ANKRD52: variants seen among roughly 807,000 people sequenced by gnomAD.
ANKRD52 encodes ankyrin repeat domain 52, also known as serine/threonine-protein phosphatase 6 regulatory ankyrin repeat subunit C.
A neutral mutation model predicts 116.0 loss-of-function variants in ANKRD52; 7 were observed. The observed-to-expected ratio is 0.06, with a 90% CI of 0.03 to 0.11. The LOEUF (loss-of-function observed/expected upper bound fraction) is 0.11. Ranked by LOEUF, ANKRD52 falls within the 10% of genes least tolerant of loss-of-function variation. The probability of loss-of-function intolerance (pLI) is 1.00; values close to 1 mark genes in which losing one functional copy is unlikely to be tolerated. For missense variants in ANKRD52, 839 were observed against 1,408.6 expected (o/e 0.60, Z 6.47); for synonymous variants, 528 against 578.1 (o/e 0.91, Z 1.24).
At chr12:56,258,094 G>A (rs1254728691) in intron 1 of ANKRD52, 149 bp downstream of exon 1, 9 of 1,422,280 alleles carry the variant, frequency 6.3e-6, no homozygotes, top group Non-Finnish European at 8.6e-6. Context: ...CAAGGACACC[G>A]GCTCGGTTGA....
chr12:56,254,858 C>G lies in ANKRD52; in HGVS notation c.550+7G>C. On this transcript the variant is annotated splice_region_variant and intron_variant, in intron 6 of 27. Transcript: ENST00000267116. The surrounding 1 kb of genome is among the most constrained non-coding windows in gnomAD (Gnocchi z 4.6). ...AATTTCTGATTTTCCCGTGTATTCTCTCTCACCTAGAAAAGCTGCCCAATG... is the reference window on the plus strand; with the variant it reads ...AATTTCTGATTTTCCCGTGTATTCTGTCTCACCTAGAAAAGCTGCCCAATG... The G allele has an allele frequency of 3.1e-6, 5 of 1,612,126 alleles. No homozygotes were observed. The highest frequency in any genetic ancestry group is 4.2e-6 in the Non-Finnish European group (5 of 1,178,254).
chr12:56,257,941 G>A, intron 1 of ANKRD52, 30 bp from the exon 2 acceptor site: 1 of 1,609,716 alleles, frequency 6.2e-7, no homozygotes, highest in Non-Finnish European at 8.5e-7. Flanking sequence ...TCTGAGAGCG[G>A]GCTGGAGCCG....
Position 56,244,282 on chromosome 12 carries a change from G to A in ANKRD52, c.2805+71C>T. 6.4e-7 allele frequency: 1 copy of A among 1,570,284 alleles called. No homozygotes were observed. The highest frequency in any genetic ancestry group is 8.8e-7 in the Non-Finnish European group (1 of 1,142,640). ...CCTCACTTCTGCCCCAGTCCCCTCT[G>A]CAACCGAGACTTACCTCTCTTCATC... On this transcript the variant is annotated intron_variant, in intron 25 of 27. Coordinates refer to ENST00000267116, the MANE Select transcript of ANKRD52 (RefSeq NM_173595.4). The surrounding 1 kb of genome is among the most constrained non-coding windows in gnomAD (Gnocchi z 4.9).
Position 56,240,119 on chromosome 12 carries a change from G to C in ANKRD52, c.*3023C>G, listed in dbSNP as rs1435575065. 6.6e-6 allele frequency: 1 copy of C among 152,202 alleles called. No individual in the cohort carries two copies. The highest frequency in any genetic ancestry group is 1.5e-5 in the Non-Finnish European group (1 of 68,110). 9.4% of individuals were successfully genotyped at this position (152,202 alleles called of 1,614,324 possible). On this transcript the variant is annotated 3_prime_UTR_variant, in exon 28 of 28. Transcript: ENST00000267116. The surrounding 1 kb of genome is among the most constrained non-coding windows in gnomAD (Gnocchi z 4.2). ...GGTTTTCAGCAGTCCTATGGCTCAG[G>C]GGGCCACGGGGCAGGGGAGGTGGCC...
chr12:56,243,170 A>G lies in ANKRD52; in HGVS notation c.3203T>C (p.Ile1068Thr). 1 of 1,607,132 alleles carries G rather than the reference A, an allele frequency of 6.2e-7. No homozygotes were observed. Among genetic ancestry groups the G allele is most frequent in the Non-Finnish European group, 8.5e-7 (1 of 1,176,798 alleles). ...CPYSQERPGA[I>T]GLDGCYSE is the part of the protein sequence containing the mutation. ...CTCAGAGTAGCAGCCATCTAACCCA[A>G]TGGCGCCGGGCCGCTCCTGGCTGTA... Residue 1068 changes from isoleucine (I) to threonine (T), a missense_variant, in exon 28 of 28, where the codon ATT becomes ACT. This residue lies in a region of ANKRD52 where 552 missense variants were observed against 810.6 expected (regional missense o/e 0.68). Transcript: ENST00000267116. The surrounding 1 kb of genome is among the most constrained non-coding windows in gnomAD (Gnocchi z 4.6).
intron 18 of ANKRD52, 60 bp downstream of exon 18, chr12:56,247,963 C>A: frequency 6.6e-7 from 1 of 1,506,878 alleles, no homozygotes; most frequent in East Asian, 2.4e-5. Context: ...CAGCCCCATT[C>A]CCATCCAGGA....
Position 56,242,445 on chromosome 12 carries a change from G to T in ANKRD52, c.*697C>A. The T allele has an allele frequency of 2.9e-6, 1 of 342,628 alleles. No individual in the cohort carries two copies. The allele number at this position is 342,628 out of a possible 1,614,324, so 21.2% of individuals were successfully genotyped here. A position where few individuals can be genotyped will look rare whatever the true frequency, so the allele number is the denominator to read the frequency against. ...GAATGGGGAGGGGGCAGGCTGTGGG[G>T]GCAGAACCAGCCCTTGATTTGCATA... On this transcript the variant is annotated 3_prime_UTR_variant, in exon 28 of 28. Coordinates refer to ENST00000267116, the MANE Select transcript of ANKRD52 (RefSeq NM_173595.4). The surrounding 1 kb of genome is among the most constrained non-coding windows in gnomAD (Gnocchi z 4.3).
chr12:56,249,339 C>A (rs1437095819), intron 15 of ANKRD52, among the ~76,000 whole-genome samples: 2 of 152,174 alleles, frequency 1.3e-5, no homozygotes, highest in Admixed American at 6.5e-5. Flanking sequence ...CCTTGGCAGT[C>A]TTCTCATACC....
At chr12:56,247,898 GGAAGCTAT>G in intron 18 of ANKRD52, 117 bp downstream of exon 18, 1 of 1,358,934 alleles carries the variant, frequency 7.4e-7, no homozygotes, top group South Asian at 1.3e-5. Flanking sequence ...TCTGAGGATA[GGAAGCTAT>G]GAATCAGGGC....
In ANKRD52 at chr12:56,248,999, G is replaced by A. The variant is rs947750009; in HGVS notation, c.1593-129C>T. 7 of 607,964 alleles carry A rather than the reference G, an allele frequency of 1.2e-5. No individual in the cohort carries two copies. The highest frequency in any genetic ancestry group is 9.3e-5 in the African/African-American group (5 of 53,740). 37.7% of individuals were successfully genotyped at this position (607,964 alleles called of 1,614,324 possible). A position where few individuals can be genotyped will look rare whatever the true frequency, so the allele number is the denominator to read the frequency against. ...GGCCGCCACCCGTCCTCAGCTCTAG[G>A]TAGGTTCTCTAAATCCTACCCATTC... is the stretch of plus-strand genomic sequence containing the variant. On this transcript the variant is annotated intron_variant, in intron 15 of 27. Coordinates refer to ENST00000267116, the MANE Select transcript of ANKRD52 (RefSeq NM_173595.4). This position sits in a 1 kb window ranked among gnomAD's most constrained non-coding sequence, Gnocchi z 5.1.
In ANKRD52 at chr12:56,242,437, G is replaced by C; in HGVS notation, c.*705C>G. On this transcript the variant is annotated 3_prime_UTR_variant, in exon 28 of 28. Transcript: ENST00000267116. This position sits in a 1 kb window ranked among gnomAD's most constrained non-coding sequence, Gnocchi z 4.3. ...GTGGGAGGGAATGGGGAGGGGGCAG[G>C]CTGTGGGGGCAGAACCAGCCCTTGA... is the stretch of plus-strand genomic sequence containing the variant. 1 of 350,992 alleles carries C rather than the reference G, an allele frequency of 2.8e-6. No homozygotes were observed. Among genetic ancestry groups the C allele is most frequent in the Non-Finnish European group, 5.1e-6 (1 of 195,908 alleles). 21.7% of individuals were successfully genotyped at this position (350,992 alleles called of 1,614,324 possible).
At position 56,245,469 on chromosome 12, in the gene ANKRD52, C is replaced by T. The variant is rs368642754; in HGVS notation, c.2312G>A (p.Arg771Gln). Residue 771 changes from arginine to glutamine, a missense_variant, in exon 21 of 28, where the codon CGG becomes CAG. Coordinates refer to ENST00000267116, the MANE Select transcript of ANKRD52 (RefSeq NM_173595.4). ...GGAAAGGGCAGCCTGCAGCAGGGTCCGCAGTACTGCAGTGTGGCCACAGGC... is the reference window on the plus strand; with the variant it reads ...GGAAAGGGCAGCCTGCAGCAGGGTCTGCAGTACTGCAGTGTGGCCACAGGC... Reference protein sequence around the residue: ...ASACGHTAVLRTLLQAALSTD... With the variant: ...ASACGHTAVLQTLLQAALSTD... The T allele has an allele frequency of 4.3e-6, 7 of 1,612,458 alleles. No individual in the cohort carries two copies. Among genetic ancestry groups the T allele is most frequent in the Non-Finnish European group, 5.9e-6 (7 of 1,179,420 alleles).
In ANKRD52 at chr12:56,256,999, AGGTGGG is replaced by A; in HGVS notation, c.261+10_261+15del. ...TTATCCTTTTTGAAAGGGTAATAGA[AGGTGGG>A]GGTGCATACCTCGTTTCGGGAGGCA... On this transcript the variant is annotated intron_variant, in intron 4 of 27. Transcript: ENST00000267116. The A allele has an allele frequency of 6.2e-7, 1 of 1,610,512 alleles. No homozygotes were observed. Among genetic ancestry groups the A allele is most frequent in the Non-Finnish European group, 8.5e-7 (1 of 1,178,392 alleles).
Position 56,258,234 on chromosome 12 carries a change from A to T in ANKRD52, c.27+9T>A. On this transcript the variant is annotated intron_variant, in intron 1 of 27. Transcript: ENST00000267116. ...GAAGGAGGAAGCGGGAAAGGGCAGG[A>T]GGGCTGACCTGGTCCGTGATGCTGA... 2 of 1,600,282 alleles carry T rather than the reference A, an allele frequency of 1.2e-6. No individual in the cohort carries two copies. The highest frequency in any genetic ancestry group is 1.1e-5 in the South Asian group (1 of 88,566).
intron 1 of ANKRD52, 64 bp downstream of exon 1, chr12:56,258,179 G>C: frequency 6.4e-7 from 1 of 1,570,332 alleles, no homozygotes; most frequent in Non-Finnish European, 8.6e-7. Flanking sequence ...GCACATCCCC[G>C]GGCTCGCGTG....
At position 56,244,882 on chromosome 12, in the gene ANKRD52, C is replaced by T; in HGVS notation, c.2576+24G>A. The T allele has an allele frequency of 6.2e-7, 1 of 1,613,948 alleles. No homozygotes were observed. The highest frequency in any genetic ancestry group is 1.1e-5 in the South Asian group (1 of 91,080). ...GGGGAAGCCAGAGGCAACTGGGATTCTTCCCAAGTCTTCCATCACTCACCG... is the reference window on the plus strand; with the variant it reads ...GGGGAAGCCAGAGGCAACTGGGATTTTTCCCAAGTCTTCCATCACTCACCG... On this transcript the variant is annotated intron_variant, in intron 23 of 27. Transcript: ENST00000267116. This position sits in a 1 kb window ranked among gnomAD's most constrained non-coding sequence, Gnocchi z 4.9.
Position 56,254,826 on chromosome 12 carries a change from A to T in ANKRD52, c.550+39T>A. 6.2e-7 allele frequency: 1 copy of T among 1,606,018 alleles called. No individual in the cohort carries two copies. ...CCACATCCCTGCCCTAGGAATCCTAAATGTCAAATTTCTGATTTTCCCGTG... is the reference window on the plus strand; with the variant it reads ...CCACATCCCTGCCCTAGGAATCCTATATGTCAAATTTCTGATTTTCCCGTG... On this transcript the variant is annotated intron_variant, in intron 6 of 27. Transcript: ENST00000267116. This position sits in a 1 kb window ranked among gnomAD's most constrained non-coding sequence, Gnocchi z 4.6.
chr12:56,252,934 G>A lies in ANKRD52; in HGVS notation c.1184-37C>T. The A allele has an allele frequency of 3.1e-6, 5 of 1,606,208 alleles. No homozygotes were observed. Among genetic ancestry groups the A allele is most frequent in the Non-Finnish European group, 4.3e-6 (5 of 1,175,754 alleles). ...GAACAGCCACAGGTCACATCTGAGA[G>A]TGTTCAGCAGGGAGGGAAAGGCCTT... is the stretch of plus-strand genomic sequence containing the variant. On this transcript the variant is annotated intron_variant, in intron 11 of 27. Transcript: ENST00000267116. The surrounding 1 kb of genome is among the most constrained non-coding windows in gnomAD (Gnocchi z 4.7).
Position 56,254,855 on chromosome 12 carries a change from T to C in ANKRD52, c.550+10A>G, listed in dbSNP as rs750851996. On this transcript the variant is annotated intron_variant, in intron 6 of 27. Coordinates refer to ENST00000267116, the MANE Select transcript of ANKRD52 (RefSeq NM_173595.4). This position sits in a 1 kb window ranked among gnomAD's most constrained non-coding sequence, Gnocchi z 4.6. ...TCAAATTTCTGATTTTCCCGTGTAT[T>C]CTCTCTCACCTAGAAAAGCTGCCCA... 42 of 1,611,232 alleles carry C rather than the reference T, an allele frequency of 2.6e-5. No individual in the cohort carries two copies. The highest frequency in any genetic ancestry group is 1.5e-4 in the Admixed American group (9 of 59,956).
Sources: gnomAD v4.1 joint callset for allele counts (sites outside exome capture counted in the v4.1 genomes callset) on GRCh38, gnomAD v4.1.1 for gene constraint, gnomAD v4.1.1 regional missense constraint, Gnocchi (gnomAD v3.1) non-coding constraint, MANE v1.5 for transcripts, NCBI Gene and HGNC (gene_info 2026-07-23, HGNC 2026-07-21) for gene names.